FAM107B: variants seen among roughly 807,000 people sequenced by gnomAD.
FAM107B encodes the protein family with sequence similarity 107 member B, also known as protein FAM107B.
In FAM107B, 21 loss-of-function variants were observed where a neutral mutation model predicts 31.5. That is an observed-to-expected ratio of 0.67 (90% confidence interval 0.47 to 0.96). The LOEUF (loss-of-function observed/expected upper bound fraction) is 0.96, where lower values mean the gene tolerates loss of function less well. Ranked by LOEUF, FAM107B falls within the 40% of genes least tolerant of loss-of-function variation. FAM107B has a pLI of 0.00. For synonymous variants in FAM107B, 157 were observed against 141.5 expected (o/e 1.11, Z -0.78); for missense variants, 452 against 377.1 (o/e 1.20, Z -1.64).
intron 2 of FAM107B, among the ~76,000 whole-genome samples, chr10:14,663,096 G>C (rs1213451389): frequency 6.6e-6 from 1 of 152,226 alleles, no homozygotes; most frequent in African/African-American, 2.4e-5. Flanking sequence ...TCAGCTTTTG[G>C]ACTCTTGGCC....
intron 1 of FAM107B, among the ~76,000 whole-genome samples, chr10:14,681,255 T>A (rs899199882): frequency 5.9e-5 from 9 of 152,208 alleles, no homozygotes; most frequent in African/African-American, 1.9e-4. Context: ...GCTTCTGTGT[T>A]AGTTCTCCAG....
intron 2 of FAM107B, among the ~76,000 whole-genome samples, chr10:14,651,513 A>C (rs1265972464): frequency 1.3e-5 from 2 of 152,080 alleles, no homozygotes; most frequent in Non-Finnish European, 2.9e-5. Context: ...GCTGAGGCAA[A>C]ATTGCTTGAA....
At chr10:14,658,471 A>G (rs10508481) in intron 2 of FAM107B, among the ~76,000 whole-genome samples, 19,629 of 152,260 alleles carry the variant, frequency 0.13, 1,380 homozygotes, top group South Asian at 0.23. Flanking sequence ...ATATGTGTTA[A>G]GTACCCAAAT....
chr10:14,549,866 CGCATCCTGCAAGTGA>C (rs2131055417), intron 2 of FAM107B, among the ~76,000 whole-genome samples: 2 of 152,116 alleles, frequency 1.3e-5, no homozygotes, highest in Admixed American at 1.3e-4. Context: ...GGAAAATGAC[CGCATCCTGCAAGTGA>C]GCATCCTACT....
chr10:14,571,685 T>C (rs1379741496), intron 2 of FAM107B: 1 of 779,766 alleles, frequency 1.3e-6, no homozygotes, highest in Non-Finnish European at 1.6e-6. Flanking sequence ...TGTTAACAAG[T>C]CTAAGTTCAC....
At chr10:14,762,793 CACACACACAA>C (rs1564293272) in intron 1 of FAM107B, among the ~76,000 whole-genome samples, 1 of 146,240 alleles carries the variant, frequency 6.8e-6, no homozygotes, top group African/African-American at 2.7e-5. Flanking sequence ...CACACACACA[CACACACACAA>C]AAAGAACATG....
intron 2 of FAM107B, among the ~76,000 whole-genome samples, chr10:14,613,705 G>C (rs912338893): frequency 1.3e-5 from 2 of 151,970 alleles, no homozygotes; most frequent in African/African-American, 4.8e-5. Flanking sequence ...CTTTCCTTCC[G>C]TCTGCCCCAC....
intron 1 of FAM107B, among the ~76,000 whole-genome samples, chr10:14,678,142 C>A (rs1480896328): frequency 6.6e-6 from 1 of 152,212 alleles, no homozygotes; most frequent in Non-Finnish European, 1.5e-5. Flanking sequence ...AAACCCTACC[C>A]CACGCTGAAT....
Position 14,521,135 on chromosome 10 carries a change from G to C in FAM107B, c.*55C>G. ...GGGGCTTTTGCCCTGAGATTGAGAA[G>C]GCACCCACAGACAGCTCTGTGGGGT... On this transcript the variant is annotated 3_prime_UTR_variant, in exon 5 of 5. Transcript: ENST00000181796. The C allele has an allele frequency of 7.4e-7, 1 of 1,352,182 alleles. No individual in the cohort carries two copies. Among genetic ancestry groups the C allele is most frequent in the East Asian group, 2.4e-5 (1 of 41,984 alleles). The allele number at this position is 1,352,182 out of a possible 1,614,324, so 83.8% of individuals were successfully genotyped here. A position where few individuals can be genotyped will look rare whatever the true frequency, so the allele number is the denominator to read the frequency against.
Position 14,756,861 on chromosome 10 carries a change from G to A in FAM107B, c.411+17392C>T, listed in dbSNP as rs578005683. 1.5e-4 allele frequency among the ~76,000 whole-genome samples: 23 copies of A among 152,224 alleles called. No individual in the cohort carries two copies. The South Asian group carries it at 4.6e-3, about 30-fold the overall frequency. ...AGAAACGAGATCATGTCATTTGCAG[G>A]GACATGGATGGAACTGGAGGCCATC... On this transcript the variant is annotated intron_variant, in intron 1 of 4. Transcript: ENST00000181796.
At chr10:14,601,216 T>C (rs1415932510) in intron 2 of FAM107B, among the ~76,000 whole-genome samples, 1 of 152,196 alleles carries the variant, frequency 6.6e-6, no homozygotes, top group Non-Finnish European at 1.5e-5. Context: ...TAGCCCCTTG[T>C]CCATGCACCA....
At chr10:14,738,214 G>T (rs759736967) in intron 1 of FAM107B, among the ~76,000 whole-genome samples, 12 of 152,174 alleles carry the variant, frequency 7.9e-5, no homozygotes, top group Admixed American at 6.6e-4. Context: ...ATCCAAATCC[G>T]CATGTGACAC....
intron 2 of FAM107B, among the ~76,000 whole-genome samples, chr10:14,585,398 C>T (rs1851790978): frequency 6.6e-6 from 1 of 152,192 alleles, no homozygotes; most frequent in East Asian, 1.9e-4. Context: ...GAGTAGAAGA[C>T]CAAGAATCCT....
At chr10:14,625,464 G>T (rs1853135329) in intron 2 of FAM107B, among the ~76,000 whole-genome samples, 1 of 152,060 alleles carries the variant, frequency 6.6e-6, no homozygotes. Flanking sequence ...CTTTGTAACT[G>T]CTCCAGCCAG....
chr10:14,663,167 T>C (rs1385433132), intron 2 of FAM107B, among the ~76,000 whole-genome samples: 1 of 152,238 alleles, frequency 6.6e-6, no homozygotes, highest in Non-Finnish European at 1.5e-5. Flanking sequence ...GGCTGCACTG[T>C]CGGCTTCCCT....
At chr10:14,604,275 A>C in intron 2 of FAM107B, 2 of 978,134 alleles carry the variant, frequency 2.0e-6, no homozygotes, top group Non-Finnish European at 2.4e-6. Context: ...GCTCCCTCCC[A>C]GCTCGCTCCC....
intron 2 of FAM107B, among the ~76,000 whole-genome samples, chr10:14,552,546 C>T (rs982697861): frequency 2.0e-5 from 3 of 151,858 alleles, no homozygotes; most frequent in African/African-American, 7.3e-5. Context: ...GTGATAAGTT[C>T]ATTATTTTGG....
At chr10:14,581,687 G>A (rs1170883686) in intron 2 of FAM107B, among the ~76,000 whole-genome samples, 1 of 152,184 alleles carries the variant, frequency 6.6e-6, no homozygotes, top group East Asian at 1.9e-4. Flanking sequence ...GACTGTTTGA[G>A]GTCAAGAGTT....
chr10:14,742,283 A>ATTT (rs113119651), intron 1 of FAM107B, among the ~76,000 whole-genome samples: 1 of 139,862 alleles, frequency 7.1e-6, no homozygotes. Flanking sequence ...CACCCAGCTC[A>ATTT]TTTTTTTTTT....
Sources: allele counts gnomAD v4.1 joint callset (sites outside exome capture counted in the v4.1 genomes callset), GRCh38; gene constraint gnomAD v4.1.1; transcripts MANE v1.5; gene names NCBI Gene and HGNC (gene_info 2026-07-23, HGNC 2026-07-21).